Variants in POLN observed in about 807,000 individuals in gnomAD.
The protein encoded by POLN is DNA polymerase N.
In POLN, 108 loss-of-function variants were observed where a neutral mutation model predicts 113.5. The ratio of observed to expected loss-of-function variants is 0.95; its 90% CI spans 0.81 to 1.12. POLN has a LOEUF of 1.12. Among genes scored for constraint, POLN ranks in the 50% most tolerant of loss-of-function variants. The pLI, the probability that POLN is intolerant of heterozygous loss-of-function variation, is 0.00. For synonymous variants in POLN, 386 were observed against 391.5 expected (o/e 0.99, Z 0.17); for missense variants, 1,097 against 1,077.1 (o/e 1.02, Z -0.26).
intron 2 of POLN, 51 bp from the exon 3 acceptor site, chr4:2,229,294 A>G: frequency 7.3e-7 from 1 of 1,374,000 alleles, no homozygotes; most frequent in Non-Finnish European, 9.8e-7. Context: ...TCCTAAGACT[A>G]TAAAACAGGA....
chr4:2,221,893 C>T lies in POLN; in HGVS notation c.133+7206G>A, dbSNP rs560432365. Among the ~76,000 whole-genome samples, 193 of 152,234 alleles carry T rather than the reference C, an allele frequency of 1.3e-3. 1 individual carries two copies. The highest frequency in any genetic ancestry group is 4.4e-3 in the African/African-American group (184 of 41,562). ...CCTGGCCCCTCTTATCTAATTCTAA[C>T]CTGGAAGCCCCCTCTTCGAGTTGTC... On this transcript the variant is annotated intron_variant, in intron 3 of 25. Transcript: ENST00000511885.
intron 6 of POLN, among the ~76,000 whole-genome samples, chr4:2,195,332 T>C (rs1441002731): frequency 2.0e-5 from 3 of 152,216 alleles, no homozygotes; most frequent in Non-Finnish European, 4.4e-5. Flanking sequence ...TTTGTAGCAT[T>C]GTTCTTAGAT....
chr4:2,190,921 T>C (rs10009961), intron 7 of POLN, among the ~76,000 whole-genome samples: 37,387 of 151,906 alleles, frequency 0.25, 7,084 homozygotes, highest in African/African-American at 0.51. Flanking sequence ...ACACTATTGG[T>C]AGGAAAGTAA....
intron 3 of POLN, among the ~76,000 whole-genome samples, chr4:2,223,455 A>T (rs1176838663): frequency 2.0e-5 from 3 of 152,142 alleles, no homozygotes; most frequent in Non-Finnish European, 2.9e-5. Context: ...TCCTTATGAG[A>T]ATCTACCGCC....
chr4:2,225,949 T>C (rs1407458062), intron 3 of POLN, among the ~76,000 whole-genome samples: 1 of 151,518 alleles, frequency 6.6e-6, no homozygotes, highest in Non-Finnish European at 1.5e-5. Flanking sequence ...TGCAATGACC[T>C]GTGAACTCCA....
intron 7 of POLN, among the ~76,000 whole-genome samples, chr4:2,183,957 G>C (rs770244772): frequency 2.6e-5 from 4 of 151,580 alleles, no homozygotes; most frequent in Admixed American, 6.6e-5. Flanking sequence ...AGGTTCAGGT[G>C]ATTCTTCTGC....
At chr4:2,125,603 A>G (rs1731559341) in intron 19 of POLN, among the ~76,000 whole-genome samples, 1 of 152,150 alleles carries the variant, frequency 6.6e-6, no homozygotes, top group South Asian at 2.1e-4. Context: ...GTGAGCAAGT[A>G]AATAATGGGG....
At chr4:2,139,203 G>C (rs1280050691) in intron 16 of POLN, among the ~76,000 whole-genome samples, 2 of 152,172 alleles carry the variant, frequency 1.3e-5, no homozygotes, top group Non-Finnish European at 2.9e-5. Flanking sequence ...AGAGGGAGGA[G>C]CCACGGAAAC....
intron 19 of POLN, among the ~76,000 whole-genome samples, chr4:2,113,953 G>A (rs1329133005): frequency 6.6e-6 from 1 of 150,398 alleles, no homozygotes; most frequent in Non-Finnish European, 1.5e-5. Flanking sequence ...AGTCTGAAGT[G>A]CAATGGTGCG....
At chr4:2,106,200 C>A (rs1289707234) in intron 19 of POLN, among the ~76,000 whole-genome samples, 1 of 152,132 alleles carries the variant, frequency 6.6e-6, no homozygotes, top group Non-Finnish European at 1.5e-5. Context: ...CTCTGTCCTG[C>A]AGCTGTGGAG....
intron 24 of POLN, among the ~76,000 whole-genome samples, chr4:2,074,408 G>T (rs917332282): frequency 6.6e-6 from 1 of 152,190 alleles, no homozygotes; most frequent in African/African-American, 2.4e-5. Flanking sequence ...CTCAGGAGCT[G>T]CCAGGCCAGC....
rs1734987936 is a variant in POLN, at chr4:2,241,533, C to A, written c.-26G>T. 1 of 985,708 alleles carries A rather than the reference C, an allele frequency of 1.0e-6. No individual in the cohort carries two copies. Among genetic ancestry groups the A allele is most frequent in the African/African-American group, 1.7e-5 (1 of 57,258 alleles). 61.1% of individuals were successfully genotyped at this position (985,708 alleles called of 1,614,324 possible). On this transcript the variant is annotated 5_prime_UTR_variant, in exon 2 of 26. Coordinates refer to ENST00000511885, the MANE Select transcript of POLN (RefSeq NM_181808.4). ...CTAAATATTTACCTCAACGTCTCGC[C>A]GGGCAAGGCTCCACCTCCAGAGTCC...
At chr4:2,081,843 C>A in intron 21 of POLN, 100 bp from the exon 22 acceptor site, 1 of 937,476 alleles carries the variant, frequency 1.1e-6, no homozygotes, top group Non-Finnish European at 1.7e-6. Flanking sequence ...GGGACAGCCG[C>A]ACTGCAGTGC....
At chr4:2,140,222 C>T (rs927789695) in intron 16 of POLN, among the ~76,000 whole-genome samples, 3 of 152,034 alleles carry the variant, frequency 2.0e-5, no homozygotes, top group East Asian at 3.9e-4. Flanking sequence ...GGATTACAGG[C>T]GTGCGCCACC....
At chr4:2,184,871 C>T (rs921859737) in intron 7 of POLN, among the ~76,000 whole-genome samples, 1 of 152,150 alleles carries the variant, frequency 6.6e-6, no homozygotes, top group Admixed American at 6.5e-5. Flanking sequence ...AATCCATATG[C>T]TCATAATGAT....
intron 6 of POLN, among the ~76,000 whole-genome samples, chr4:2,195,306 T>C (rs765240802): frequency 6.6e-6 from 1 of 152,262 alleles, no homozygotes; most frequent in Non-Finnish European, 1.5e-5. Flanking sequence ...TGAATAAATA[T>C]TGATTAAGCA....
In POLN at chr4:2,173,919, G is replaced by C. The variant is rs576047470; in HGVS notation, c.1374+36C>G. On this transcript the variant is annotated intron_variant, in intron 11 of 25. Transcript: ENST00000511885. Reference sequence around the variant, plus strand: ...GAACAACTATCTCATGCAGGAAAGAGATGGCCAGTACAAACCATCTGGAAT... The same window carrying C: ...GAACAACTATCTCATGCAGGAAAGACATGGCCAGTACAAACCATCTGGAAT... 6.3e-6 allele frequency: 10 copies of C among 1,586,320 alleles called. No homozygotes were observed. The East Asian group carries it at 6.7e-5, about 11-fold the overall frequency.
In POLN at chr4:2,208,440, C is replaced by T. The variant is rs771327508; in HGVS notation, c.261G>A (p.Leu87=). ...GCCTGACACTGAAGGACTGAGGAGA[C>T]AGCTTGGCAGAACCTCTTGATGTCT... ...RSQTSRGSAK[L]SPQSFSVRLT... The change falls in exon 5 of 26, where the codon CTG becomes CTA. Residue 87 remains leucine (L), a synonymous_variant. Transcript: ENST00000511885. 1.5e-5 allele frequency: 23 copies of T among 1,579,838 alleles called. No individual in the cohort carries two copies. In the African/African-American group the frequency reaches 1.9e-4, roughly 13 times the overall value.
intron 6 of POLN, among the ~76,000 whole-genome samples, chr4:2,196,525 T>C (rs547883492): frequency 2.6e-5 from 4 of 152,210 alleles, no homozygotes; most frequent in South Asian, 4.1e-4. Flanking sequence ...CCCAATGCTA[T>C]GTCCTGATCC....
Sources: allele counts gnomAD v4.1 joint callset (sites outside exome capture counted in the v4.1 genomes callset), GRCh38; gene constraint gnomAD v4.1.1; transcripts MANE v1.5; gene names NCBI Gene and HGNC (gene_info 2026-07-23, HGNC 2026-07-21).